The following CYP39A1 variants were observed in gnomAD, a reference collection of about 807,000 sequenced individuals.
CYP39A1 encodes the protein 24-hydroxycholesterol 7-alpha-hydroxylase.
Under a neutral mutation model 58.1 loss-of-function variants are expected in CYP39A1, and 49 were observed. The ratio of observed to expected loss-of-function variants is 0.84; its 90% CI spans 0.67 to 1.07. The LOEUF (loss-of-function observed/expected upper bound fraction) is 1.07, where lower values mean the gene tolerates loss of function less well. CYP39A1 is among the 50% of genes least tolerant of loss of function. The pLI is 0.00. For missense variants in CYP39A1, 531 were observed against 539.4 expected (o/e 0.98, Z 0.16); for synonymous variants, 209 against 187.6 (o/e 1.11, Z -0.93).
intron 7 of CYP39A1, among the ~76,000 whole-genome samples, chr6:46,610,797 G>T (rs1774170162): frequency 6.6e-6 from 1 of 152,142 alleles, no homozygotes; most frequent in African/African-American, 2.4e-5. Flanking sequence ...CATCCAGGAA[G>T]GTGATATGCC....
chr6:46,624,562 C>CAA (rs879604033), intron 7 of CYP39A1, among the ~76,000 whole-genome samples: 1 of 141,662 alleles, frequency 7.1e-6, no homozygotes. Context: ...AGAAGCAATC[C>CAA]AAAAAAAAAA....
chr6:46,648,839 T>C (rs2150612698), intron 1 of CYP39A1, among the ~76,000 whole-genome samples: 1 of 152,148 alleles, frequency 6.6e-6, no homozygotes, highest in Non-Finnish European at 1.5e-5. Context: ...AATGTTTCCA[T>C]TGTGTCAACA....
chr6:46,630,978 C>CAGAG lies in CYP39A1; in HGVS notation c.821_824dup (p.Asn277ValfsTer2). On this transcript the variant is annotated frameshift_variant, in exon 6 of 12. Coordinates refer to ENST00000275016, the MANE Select transcript of CYP39A1 (RefSeq NM_016593.5). LOFTEE classifies it high-confidence loss of function. ...ATATACTTACAGGAACAGCATTAGACAGAGAAGCCCAAAGCAGTAAGAGCC... is the reference window on the plus strand; with the variant it reads ...ATATACTTACAGGAACAGCATTAGACAGAGAGAGAAGCCCAAAGCAGTAAGAGCC... 1 of 1,613,518 alleles carries CAGAG rather than the reference C, an allele frequency of 6.2e-7. No individual in the cohort carries two copies. The highest frequency in any genetic ancestry group is 8.5e-7 in the Non-Finnish European group (1 of 1,179,588).
At chr6:46,562,727 CAA>C (rs988068035) in intron 10 of CYP39A1, among the ~76,000 whole-genome samples, 21 of 151,332 alleles carry the variant, frequency 1.4e-4, no homozygotes, top group African/African-American at 5.1e-4. Flanking sequence ...TAAAAAATTT[CAA>C]AAAAAGATTA....
At chr6:46,615,167 G>A (rs1774449674) in intron 7 of CYP39A1, among the ~76,000 whole-genome samples, 1 of 151,970 alleles carries the variant, frequency 6.6e-6, no homozygotes, top group Non-Finnish European at 1.5e-5. Context: ...ATAGGGTTCA[G>A]ATTTTGCGTG....
intron 7 of CYP39A1, among the ~76,000 whole-genome samples, chr6:46,606,904 T>A (rs147379690): frequency 6.6e-6 from 1 of 152,316 alleles, no homozygotes; most frequent in African/African-American, 2.4e-5. Flanking sequence ...AGCCTAAGCA[T>A]AGGTGCTATA....
chr6:46,587,230 C>G (rs1772524646), intron 9 of CYP39A1, 65 bp from the exon 10 acceptor site: 1 of 1,099,578 alleles, frequency 9.1e-7, no homozygotes, highest in African/African-American at 1.6e-5. Context: ...CTTTATTTCT[C>G]TAGGCTAAAA....
At chr6:46,578,825 A>C (rs575790870) in intron 10 of CYP39A1, among the ~76,000 whole-genome samples, 1 of 152,126 alleles carries the variant, frequency 6.6e-6, no homozygotes, top group African/African-American at 2.4e-5. Context: ...CTAACAACCA[A>C]AAAAGCCCTG....
intron 7 of CYP39A1, among the ~76,000 whole-genome samples, chr6:46,603,452 A>G (rs1467679214): frequency 6.6e-6 from 1 of 152,216 alleles, no homozygotes; most frequent in Non-Finnish European, 1.5e-5. Flanking sequence ...AACACTGATC[A>G]AAGACCCAAA....
Position 46,630,132 on chromosome 6 carries a change from A to AC in CYP39A1, c.840+830_840+831insG, listed in dbSNP as rs368249887. Among the ~76,000 whole-genome samples, 125 of 151,848 alleles carry AC rather than the reference A, an allele frequency of 8.2e-4. 3 individuals carry two copies. The South Asian group carries it at 0.013, about 15-fold the overall frequency. Reference sequence around the variant, plus strand: ...ACAAAACAAAACAACAACAACAACAAAAAAACCCACAAAAAACAGTTTTTT... The same window carrying AC: ...ACAAAACAAAACAACAACAACAACAACAAAAACCCACAAAAAACAGTTTTTT... On this transcript the variant is annotated intron_variant, in intron 6 of 11. Coordinates refer to ENST00000275016, the MANE Select transcript of CYP39A1 (RefSeq NM_016593.5).
chr6:46,566,708 T>C (rs1407888410), intron 10 of CYP39A1, among the ~76,000 whole-genome samples: 2 of 152,106 alleles, frequency 1.3e-5, no homozygotes, highest in Non-Finnish European at 2.9e-5. Flanking sequence ...CTTAATTAAG[T>C]TTAAGTACTT....
intron 7 of CYP39A1, among the ~76,000 whole-genome samples, chr6:46,598,444 A>C (rs1318994309): frequency 1.3e-5 from 2 of 152,210 alleles, no homozygotes; most frequent in Non-Finnish European, 2.9e-5. Context: ...ATGAGTAGTT[A>C]TTAAGAACTA....
chr6:46,559,910 T>G (rs1770883216), intron 10 of CYP39A1, among the ~76,000 whole-genome samples: 2 of 152,212 alleles, frequency 1.3e-5, no homozygotes, highest in African/African-American at 4.8e-5. Flanking sequence ...ATGTGCTTTA[T>G]ATACTTCTAA....
At chr6:46,636,581 T>C (rs1776004050) in intron 4 of CYP39A1, 99 bp from the exon 5 acceptor site, 2 of 725,624 alleles carry the variant, frequency 2.8e-6, no homozygotes, top group South Asian at 3.5e-5. Context: ...TAAAATTAGT[T>C]CTCCAAATTT....
intron 10 of CYP39A1, among the ~76,000 whole-genome samples, chr6:46,570,093 T>C (rs191123882): frequency 8.5e-4 from 130 of 152,258 alleles, no homozygotes; most frequent in Non-Finnish European, 1.0e-3. Flanking sequence ...GTAGGTTTTA[T>C]GTTTCTGGAA....
chr6:46,595,911 C>T, intron 8 of CYP39A1, 76 bp downstream of exon 8: 1 of 1,378,738 alleles, frequency 7.3e-7, no homozygotes, highest in Non-Finnish European at 1.0e-6. Context: ...ATATGTCAAC[C>T]TGAAAAATAT....
chr6:46,638,357 A>G (rs1299810039), intron 3 of CYP39A1, among the ~76,000 whole-genome samples: 1 of 152,188 alleles, frequency 6.6e-6, no homozygotes, highest in Admixed American at 6.5e-5. Flanking sequence ...CAACAACAAC[A>G]ACAACAAAGA....
intron 8 of CYP39A1, among the ~76,000 whole-genome samples, chr6:46,588,441 T>C (rs1772612256): frequency 6.6e-6 from 1 of 152,042 alleles, no homozygotes; most frequent in Non-Finnish European, 1.5e-5. Flanking sequence ...TAGCTAAATG[T>C]CAAAATTTTA....
intron 10 of CYP39A1, among the ~76,000 whole-genome samples, chr6:46,557,326 C>T (rs1172392570): frequency 2.0e-5 from 3 of 151,024 alleles, no homozygotes; most frequent in Non-Finnish European, 4.4e-5. Flanking sequence ...GATCAAGACC[C>T]CCAAGCAGAA....
Sources: allele counts gnomAD v4.1 joint callset (sites outside exome capture counted in the v4.1 genomes callset), GRCh38; gene constraint gnomAD v4.1.1; transcripts MANE v1.5; gene names NCBI Gene and HGNC (gene_info 2026-07-23, HGNC 2026-07-21).